Variants in RFC3 observed in about 807,000 individuals in gnomAD.
RFC3 encodes the protein A1 38 kDa subunit.
In RFC3, 41 loss-of-function variants were observed where a neutral mutation model predicts 45.1. The ratio of observed to expected loss-of-function variants is 0.91; its 90% CI spans 0.71 to 1.18. The LOEUF (loss-of-function observed/expected upper bound fraction) is 1.18, where lower values mean the gene tolerates loss of function less well. Ranked by LOEUF, RFC3 falls within the 50% of genes most tolerant of loss-of-function variation. RFC3 has a pLI of 0.00. For synonymous variants in RFC3, 149 were observed against 144.0 expected (o/e 1.03, Z -0.25); for missense variants, 423 against 428.1 (o/e 0.99, Z 0.10).
intron 8 of RFC3, among the ~76,000 whole-genome samples, chr13:33,956,836 A>G (rs1454363196): frequency 6.6e-6 from 1 of 152,226 alleles, no homozygotes; most frequent in Non-Finnish European, 1.5e-5. Context: ...GTAAAGTTGT[A>G]TATGTGTGTT....
chr13:33,858,261 G>A (rs1262480633), intron 8 of RFC3, among the ~76,000 whole-genome samples: 1 of 152,054 alleles, frequency 6.6e-6, no homozygotes, highest in Admixed American at 6.6e-5. Flanking sequence ...TTGTGTCTTG[G>A]TCTCCTACTG....
intron 8 of RFC3, among the ~76,000 whole-genome samples, chr13:33,907,467 A>G (rs904285927): frequency 2.0e-5 from 3 of 152,096 alleles, no homozygotes; most frequent in Non-Finnish European, 2.9e-5. Context: ...AATGTAGCTT[A>G]TTTCAAAAAT....
At chr13:33,844,764 T>C (rs993971553) in intron 8 of RFC3, among the ~76,000 whole-genome samples, 3 of 152,220 alleles carry the variant, frequency 2.0e-5, no homozygotes, top group Non-Finnish European at 2.9e-5. Flanking sequence ...GTAGTTATTT[T>C]TGATAGGTTC....
At chr13:33,823,583 T>C (rs1189782234) in intron 2 of RFC3, among the ~76,000 whole-genome samples, 1 of 152,116 alleles carries the variant, frequency 6.6e-6, no homozygotes, top group African/African-American at 2.4e-5. Flanking sequence ...TTTGTGTATG[T>C]TTATTTTTGT....
chr13:33,827,652 A>G (rs999583109), intron 4 of RFC3, among the ~76,000 whole-genome samples: 1 of 152,222 alleles, frequency 6.6e-6, no homozygotes, highest in African/African-American at 2.4e-5. Context: ...ACCTATTCTT[A>G]CATGAAGCTT....
At chr13:33,910,820 C>G (rs2082699655) in intron 8 of RFC3, among the ~76,000 whole-genome samples, 1 of 152,022 alleles carries the variant, frequency 6.6e-6, no homozygotes, top group South Asian at 2.1e-4. Flanking sequence ...TGCTCAGCTT[C>G]TGGGGAGGCC....
At chr13:33,933,096 G>A (rs1000219931) in intron 8 of RFC3, among the ~76,000 whole-genome samples, 1 of 152,240 alleles carries the variant, frequency 6.6e-6, no homozygotes, top group Non-Finnish European at 1.5e-5. Context: ...GATATCATAA[G>A]AGCTTTGAGA....
At chr13:33,830,479 T>C (rs536740751) in intron 5 of RFC3, among the ~76,000 whole-genome samples, 22 of 152,306 alleles carry the variant, frequency 1.4e-4, no homozygotes, top group African/African-American at 5.3e-4. Context: ...TCAGCAAAAA[T>C]TATGATTCCT....
intron 7 of RFC3, among the ~76,000 whole-genome samples, chr13:33,834,454 C>T (rs2082134911): frequency 6.7e-6 from 1 of 149,340 alleles, no homozygotes; most frequent in East Asian, 2.0e-4. Context: ...CCCTTTCTCT[C>T]CCTAGAATAT....
intron 8 of RFC3, among the ~76,000 whole-genome samples, chr13:33,904,236 G>C (rs986993788): frequency 6.6e-6 from 1 of 151,962 alleles, no homozygotes; most frequent in African/African-American, 2.4e-5. Context: ...ATGGATGACT[G>C]CATCTTCTTC....
chr13:33,904,910 C>T (rs2082662887), intron 8 of RFC3, among the ~76,000 whole-genome samples: 1 of 151,914 alleles, frequency 6.6e-6, no homozygotes, highest in South Asian at 2.1e-4. Flanking sequence ...AAAAATAAGA[C>T]CGAACAATAT....
chr13:33,836,874 A>G lies in RFC3; in HGVS notation c.*579A>G. 1.0e-6 allele frequency: 1 copy of G among 984,574 alleles called. No individual in the cohort carries two copies. The highest frequency in any genetic ancestry group is 1.2e-6 in the Non-Finnish European group (1 of 829,212). The allele number at this position is 984,574 out of a possible 1,614,324, so 61.0% of individuals were successfully genotyped here. ...AGATTAGTATTAGGTCGGTACTAAG[A>G]AATAAGCATGTTTTCACTAATTTAA... is the stretch of plus-strand genomic sequence containing the variant. On this transcript the variant is annotated 3_prime_UTR_variant, in exon 9 of 9. Coordinates refer to ENST00000380071, the MANE Select transcript of RFC3 (RefSeq NM_002915.4).
Position 33,837,125 on chromosome 13 carries a change from T to G in RFC3, c.*830T>G. On this transcript the variant is annotated 3_prime_UTR_variant, in exon 9 of 9. Coordinates refer to ENST00000380071, the MANE Select transcript of RFC3 (RefSeq NM_002915.4). ...TTTATAAAATAAAATATACCCATTT[T>G]AAGGGTACAGTTTGATTTTTGACCA... is the stretch of plus-strand genomic sequence containing the variant. 1 of 840,572 alleles carries G rather than the reference T, an allele frequency of 1.2e-6. No individual in the cohort carries two copies. The highest frequency in any genetic ancestry group is 1.4e-6 in the Non-Finnish European group (1 of 697,964). 52.1% of individuals were successfully genotyped at this position (840,572 alleles called of 1,614,324 possible).
rs759768187 is a variant in RFC3, at chr13:33,836,140, C to T, written c.916C>T (p.Gln306Ter). 1 of 1,612,746 alleles carries T rather than the reference C, an allele frequency of 6.2e-7. No individual in the cohort carries two copies. Among genetic ancestry groups the T allele is most frequent in the East Asian group, 2.2e-5 (1 of 44,860 alleles). The part of the protein sequence containing the change: ...LSELLHNCDG[Q>*]LKGEVAQMAA... ...AGAACTGTTACATAATTGTGATGGA[C>T]AACTGAAAGGGGAGGTGGCACAAAT... The change falls in exon 9 of 9, where the codon CAA becomes TAA. Residue 306 changes from glutamine (Q) to a stop codon, truncating the protein, a stop_gained. Transcript: ENST00000380071. LOFTEE classifies it high-confidence loss of function.
At chr13:33,938,184 C>CAAAAGAAAA (rs2082899917) in intron 8 of RFC3, among the ~76,000 whole-genome samples, 1 of 70,782 alleles carries the variant, frequency 1.4e-5, no homozygotes, top group Non-Finnish European at 2.5e-5. Flanking sequence ...AGTCCAACTG[C>CAAAAGAAAA]AAAAAAAAAA....
intron 8 of RFC3, among the ~76,000 whole-genome samples, chr13:33,859,454 A>G (rs1237308121): frequency 6.6e-6 from 1 of 152,248 alleles, no homozygotes; most frequent in Non-Finnish European, 1.5e-5. Context: ...TGTAAATAAT[A>G]TCAAAACATT....
chr13:33,942,515 T>TA (rs1478302566), intron 8 of RFC3, among the ~76,000 whole-genome samples: 4 of 152,182 alleles, frequency 2.6e-5, no homozygotes, highest in African/African-American at 9.7e-5. Flanking sequence ...ATTATGCACT[T>TA]AGAGTTTCAA....
At chr13:33,853,157 G>T (rs532906087) in intron 8 of RFC3, among the ~76,000 whole-genome samples, 1 of 152,116 alleles carries the variant, frequency 6.6e-6, no homozygotes, top group African/African-American at 2.4e-5. Context: ...ATCAAGGAGG[G>T]CTGTGAAGGC....
chr13:33,868,787 A>G (rs1022404038), intron 8 of RFC3, among the ~76,000 whole-genome samples: 1 of 152,112 alleles, frequency 6.6e-6, no homozygotes, highest in Non-Finnish European at 1.5e-5. Context: ...TTGTTGCTTT[A>G]TTTGTGAATA....
Sources: allele counts gnomAD v4.1 joint callset (sites outside exome capture counted in the v4.1 genomes callset), GRCh38; gene constraint gnomAD v4.1.1; transcripts MANE v1.5; gene names NCBI Gene and HGNC (gene_info 2026-07-23, HGNC 2026-07-21).